Variants in PRR14L observed in about 807,000 individuals in gnomAD.
PRR14L encodes the protein proline rich 14 like, also known as protein PRR14L.
In PRR14L, 80 loss-of-function variants were observed where a neutral mutation model predicts 155.0. That is an observed-to-expected ratio of 0.52 (90% CI 0.43 to 0.62). The LOEUF (loss-of-function observed/expected upper bound fraction) is 0.62, where lower values mean the gene tolerates loss of function less well. Among genes scored for constraint, PRR14L ranks in the 20% least tolerant of loss-of-function variants. PRR14L has a pLI of 0.00. For synonymous variants in PRR14L, 883 were observed against 916.0 expected (o/e 0.96, Z 0.65); for missense variants, 2,469 against 2,548.0 (o/e 0.97, Z 0.67).
In PRR14L at chr22:31,712,676, A is replaced by G; in HGVS notation, c.5163T>C (p.Phe1721=). ...AATCTGAGCTGGATGATTTCACATG[A>G]AAGGATACTGGGAAGATTTCAGAAC... The part of the protein sequence containing the change: ...LFGSEIFPVS[F]HVKSSSSDCT... Residue 1721 remains phenylalanine (F), a synonymous_variant, in exon 4 of 9, where the codon TTT becomes TTC. Coordinates refer to ENST00000327423, the MANE Select transcript of PRR14L (RefSeq NM_173566.3). 1.3e-6 allele frequency: 2 copies of G among 1,551,746 alleles called. No homozygotes were observed. Among genetic ancestry groups the G allele is most frequent in the Non-Finnish European group, 1.7e-6 (2 of 1,147,002 alleles).
intron 7 of PRR14L, among the ~76,000 whole-genome samples, chr22:31,688,545 G>T (rs2074494245): frequency 6.6e-6 from 1 of 152,050 alleles, no homozygotes; most frequent in Non-Finnish European, 1.5e-5. Flanking sequence ...ATATGTTTTA[G>T]ATGTGTCTCA....
chr22:31,742,152 G>A (rs62238885), intron 1 of PRR14L, among the ~76,000 whole-genome samples: 3,775 of 152,250 alleles, frequency 0.025, 50 homozygotes, highest in Non-Finnish European at 0.038. Flanking sequence ...CAGATTTGAA[G>A]AGTAAATGCA....
chr22:31,723,362 G>A (rs2074701260), intron 3 of PRR14L, among the ~76,000 whole-genome samples: 1 of 152,192 alleles, frequency 6.6e-6, no homozygotes, highest in Non-Finnish European at 1.5e-5. Context: ...AGCTTCTTAG[G>A]TGGAGAGTAG....
Position 31,715,769 on chromosome 22 carries a change from A to G in PRR14L, c.2070T>C (p.His690=), listed in dbSNP as rs189897860. 48 of 1,550,836 alleles carry G rather than the reference A, an allele frequency of 3.1e-5. No individual in the cohort carries two copies. The African/African-American group carries it at 5.7e-4, about 19-fold the overall frequency. ...CTGCTCTACCCTCTAATGGAGGGTGATGGCTCTGATGGGCATCTCTGCCTG... is the reference window on the plus strand; with the variant it reads ...CTGCTCTACCCTCTAATGGAGGGTGGTGGCTCTGATGGGCATCTCTGCCTG... ...LATGRDAHQS[H]HPPLEGRADV... The change falls in exon 4 of 9, where the codon CAT becomes CAC. Residue 690 remains histidine (H), a synonymous_variant. Transcript: ENST00000327423.
Position 31,701,666 on chromosome 22 carries a change from G to A in PRR14L, c.6097C>T (p.Arg2033Ter). ...AGAGAAGGAGCTCACCTTTTGGGTCGAGGAAGGCCCATGGGGGTAAGATTA... is the reference window on the plus strand; with the variant it reads ...AGAGAAGGAGCTCACCTTTTGGGTCAAGGAAGGCCCATGGGGGTAAGATTA... The part of the protein sequence containing the change: ...DPNLTPMGLP[R>*]PKRLKKKEFS... The change falls in exon 7 of 9, where the codon CGA becomes TGA. Residue 2033 changes from arginine to a stop codon, truncating the protein, a stop_gained. Transcript: ENST00000327423. LOFTEE classifies it high-confidence loss of function. The A allele has an allele frequency of 3.1e-6, 5 of 1,604,806 alleles. No individual in the cohort carries two copies. The highest frequency in any genetic ancestry group is 4.2e-6 in the Non-Finnish European group (5 of 1,176,558).
intron 3 of PRR14L, among the ~76,000 whole-genome samples, chr22:31,720,693 C>A (rs1295737629): frequency 6.6e-6 from 1 of 152,340 alleles, no homozygotes; most frequent in Non-Finnish European, 1.5e-5. Context: ...CAAGATCGTG[C>A]CACTGCACTG....
chr22:31,684,893 C>T lies in PRR14L; in HGVS notation c.*634G>A, dbSNP rs1985945791. On this transcript the variant is annotated 3_prime_UTR_variant, in exon 9 of 9. Transcript: ENST00000327423. The stretch of plus-strand genomic sequence containing the variant: ...AAAGTGCAACTTACTTCGAATGGGG[C>T]CTGGACGGGCTCCTCTGGCACTAGT... The T allele has an allele frequency of 6.6e-6, 1 of 152,226 alleles. No homozygotes were observed. Among genetic ancestry groups the T allele is most frequent in the Admixed American group, 6.5e-5 (1 of 15,272 alleles). 9.4% of individuals were successfully genotyped at this position (152,226 alleles called of 1,614,324 possible).
At chr22:31,732,544 G>C (rs1380586228) in intron 2 of PRR14L, among the ~76,000 whole-genome samples, 4 of 152,224 alleles carry the variant, frequency 2.6e-5, no homozygotes, top group Admixed American at 2.6e-4. Context: ...TATTTCATAC[G>C]TGTTGTCACA....
chr22:31,748,860 C>A (rs1486626418), intron 1 of PRR14L, among the ~76,000 whole-genome samples: 2 of 152,120 alleles, frequency 1.3e-5, no homozygotes, highest in Non-Finnish European at 2.9e-5. Context: ...TTCAGTGAGG[C>A]CCTCTTTGTT....
Position 31,715,216 on chromosome 22 carries a change from T to C in PRR14L, c.2623A>G (p.Lys875Glu). 1 of 1,552,320 alleles carries C rather than the reference T, an allele frequency of 6.4e-7. No individual in the cohort carries two copies. The highest frequency in any genetic ancestry group is 1.2e-5 in the South Asian group (1 of 84,064). ...CTATTTAACAAGCCTGCTACCATTT[T>C]GTTTCTGATCTTATCTCCTGGAAGG... ...GSLPGDKIRN[K>E]MVAGLLNSGI... Residue 875 changes from lysine (K) to glutamate (E), a missense_variant, in exon 4 of 9, where the codon AAA becomes GAA. Around this residue, in one of 2 missense-constraint regions of PRR14L, gnomAD observed 2,363 missense variants for 2,371.6 expected, o/e 1.00. Transcript: ENST00000327423.
At chr22:31,725,666 A>G in intron 2 of PRR14L, 56 bp from the exon 3 acceptor site, 1 of 971,210 alleles carries the variant, frequency 1.0e-6, no homozygotes. Context: ...GAGTTAATGA[A>G]TATTATTATT....
intron 1 of PRR14L, among the ~76,000 whole-genome samples, chr22:31,746,166 G>A (rs2074836931): frequency 6.6e-6 from 1 of 152,160 alleles, no homozygotes; most frequent in Non-Finnish European, 1.5e-5. Context: ...CTGGCCTCAA[G>A]TGATCCTCCC....
At position 31,692,888 on chromosome 22, in the gene PRR14L, C is replaced by T. The variant is rs545040937; in HGVS notation, c.6108-4661G>A. On this transcript the variant is annotated intron_variant, in intron 7 of 8. Transcript: ENST00000327423. ...CTCCTGGGCTCAAGCATTCCTCCCA[C>T]CTTGGCCTCCCAAAGTGCTTGGATT... Among the ~76,000 whole-genome samples, 5 of 152,296 alleles carry T rather than the reference C, an allele frequency of 3.3e-5. No individual in the cohort carries two copies. In the South Asian group the frequency reaches 1.0e-3, roughly 32 times the overall value.
intron 2 of PRR14L, among the ~76,000 whole-genome samples, chr22:31,737,379 G>C (rs1029796454): frequency 1.3e-5 from 2 of 151,988 alleles, no homozygotes; most frequent in African/African-American, 4.8e-5. Context: ...TACTCAGGAA[G>C]CTGAGGCAGG....
intron 1 of PRR14L, among the ~76,000 whole-genome samples, chr22:31,742,854 G>C (rs2074819663): frequency 6.6e-6 from 1 of 152,144 alleles, no homozygotes; most frequent in East Asian, 1.9e-4. Flanking sequence ...ACAAAATGTG[G>C]TATAGCCCTA....
rs1346829562 is a variant in PRR14L at position 31,712,410 on chromosome 22, T to C, written c.5429A>G (p.Gln1810Arg). The change falls in exon 4 of 9, where the codon CAG becomes CGG. Residue 1810 changes from glutamine to arginine, a missense_variant. Around this residue, in one of 2 missense-constraint regions of PRR14L, gnomAD observed 2,363 missense variants for 2,371.6 expected, o/e 1.00. Coordinates refer to ENST00000327423, the MANE Select transcript of PRR14L (RefSeq NM_173566.3). The stretch of plus-strand genomic sequence containing the variant: ...AAGGACAGAGCAGTCTGCTCTGGTC[T>C]GGACTATGGCAGTGCCTCCATAGTC... The part of the protein sequence containing the change: ...LQDYGGTAIV[Q>R]TRADCSVLGL... The C allele has an allele frequency of 6.3e-6, 10 of 1,584,896 alleles. No homozygotes were observed. Among genetic ancestry groups the C allele is most frequent in the Non-Finnish European group, 8.6e-6 (10 of 1,165,162 alleles).
intron 2 of PRR14L, among the ~76,000 whole-genome samples, chr22:31,733,934 AACAC>A (rs148181629): frequency 6.7e-6 from 1 of 150,290 alleles, no homozygotes; most frequent in Non-Finnish European, 1.5e-5. Context: ...ACACCACACA[AACAC>A]ACACACACAC....
chr22:31,721,892 T>C (rs1830398037), intron 3 of PRR14L, among the ~76,000 whole-genome samples: 2 of 152,130 alleles, frequency 1.3e-5, no homozygotes, highest in South Asian at 4.1e-4. Flanking sequence ...GGGACATTTA[T>C]ATAGAGAAGT....
chr22:31,702,464 G>A (rs780006072), intron 6 of PRR14L, among the ~76,000 whole-genome samples: 32 of 151,972 alleles, frequency 2.1e-4, no homozygotes, highest in Non-Finnish European at 4.3e-4. Context: ...CAGGTGATCC[G>A]CCCACCTCGG....
Sources: allele counts gnomAD v4.1 joint callset (sites outside exome capture counted in the v4.1 genomes callset), GRCh38; gene constraint gnomAD v4.1.1; regional missense constraint gnomAD v4.1.1; transcripts MANE v1.5; gene names NCBI Gene and HGNC (gene_info 2026-07-23, HGNC 2026-07-21).